MYO3B: variants seen among roughly 807,000 people sequenced by gnomAD.
MYO3B encodes the protein myosin IIIB, also known as myosin-IIIb.
MYO3B carries 156 observed loss-of-function variants against 174.6 expected under a neutral mutation model. That is an observed-to-expected ratio of 0.89 (90% CI 0.78 to 1.02). MYO3B has a LOEUF of 1.02. Ranked by LOEUF, MYO3B falls within the 50% of genes least tolerant of loss-of-function variation. The probability of loss-of-function intolerance (pLI) is 0.00; values close to 1 mark genes in which losing one functional copy is unlikely to be tolerated. For missense variants in MYO3B, 1,632 were observed against 1,639.4 expected (o/e 1.00, Z 0.08); for synonymous variants, 563 against 569.1 (o/e 0.99, Z 0.15).
rs1339999187 is a variant in MYO3B at position 170,407,638 on chromosome 2, T to C, written c.2521-77T>C. ...TTCTATATAGAGGTTGATTAACAAC[T>C]GGTTAGGCAAGTTGCCAGTGTCACC... is the stretch of plus-strand genomic sequence containing the variant. On this transcript the variant is annotated intron_variant, in intron 21 of 34. Coordinates refer to ENST00000408978, the MANE Select transcript of MYO3B (RefSeq NM_138995.5). 7.1e-6 allele frequency: 11 copies of C among 1,546,110 alleles called. No homozygotes were observed. In the East Asian group the frequency reaches 2.7e-4, roughly 37 times the overall value.
intron 9 of MYO3B, among the ~76,000 whole-genome samples, chr2:170,373,374 T>C (rs537461816): frequency 3.9e-5 from 6 of 152,334 alleles, no homozygotes; most frequent in African/African-American, 1.4e-4. Context: ...AAGAGAGTTC[T>C]TCAATGGTCT....
intron 25 of MYO3B, among the ~76,000 whole-genome samples, chr2:170,479,206 C>T (rs766991676): frequency 1.3e-5 from 2 of 150,514 alleles, no homozygotes; most frequent in Non-Finnish European, 3.0e-5. Context: ...ATTGCTTGAA[C>T]CCGGGAAGCG....
At chr2:170,424,590 A>C (rs940338544) in intron 22 of MYO3B, among the ~76,000 whole-genome samples, 7 of 152,070 alleles carry the variant, frequency 4.6e-5, no homozygotes, top group Non-Finnish European at 7.4e-5. Context: ...GCCTGGGCAA[A>C]AGAGGAAGAC....
At chr2:170,180,198 G>C (rs778225326) in intron 1 of MYO3B, 16 of 441,310 alleles carry the variant, frequency 3.6e-5, no homozygotes, top group East Asian at 1.4e-4. Context: ...CTGTACCTCC[G>C]TTAGGGACTA....
At chr2:170,198,867 G>T (rs2092629985) in intron 1 of MYO3B, among the ~76,000 whole-genome samples, 1 of 152,112 alleles carries the variant, frequency 6.6e-6, no homozygotes, top group Non-Finnish European at 1.5e-5. Flanking sequence ...ACTTTCCCTG[G>T]CAGCAGCCAC....
intron 22 of MYO3B, among the ~76,000 whole-genome samples, chr2:170,418,872 AATAT>A (rs2094597868): frequency 6.6e-6 from 1 of 152,200 alleles, no homozygotes; most frequent in Admixed American, 6.5e-5. Flanking sequence ...TAGCTAGCAA[AATAT>A]ATAACCTTTC....
intron 7 of MYO3B, among the ~76,000 whole-genome samples, chr2:170,305,287 C>T (rs1422257186): frequency 6.6e-6 from 1 of 152,078 alleles, no homozygotes; most frequent in African/African-American, 2.4e-5. Context: ...CATAGATATG[C>T]TTCTCTACTT....
intron 7 of MYO3B, among the ~76,000 whole-genome samples, chr2:170,326,050 C>T (rs1392957122): frequency 6.6e-6 from 1 of 152,010 alleles, no homozygotes; most frequent in African/African-American, 2.4e-5. Flanking sequence ...TTGATAAGCA[C>T]GGCATGTTTA....
intron 30 of MYO3B, among the ~76,000 whole-genome samples, chr2:170,533,526 T>G (rs1689489856): frequency 6.6e-6 from 1 of 152,016 alleles, no homozygotes; most frequent in Admixed American, 6.5e-5. Flanking sequence ...TACAAGTCTA[T>G]GCCTTGGCCT....
intron 32 of MYO3B, among the ~76,000 whole-genome samples, chr2:170,580,927 G>A (rs1413171569): frequency 6.6e-6 from 1 of 151,370 alleles, no homozygotes; most frequent in South Asian, 2.1e-4. Context: ...CTTTTTTATT[G>A]TCATTTTGGT....
intron 25 of MYO3B, among the ~76,000 whole-genome samples, chr2:170,498,024 T>C (rs1456111893): frequency 2.0e-5 from 3 of 151,584 alleles, no homozygotes; most frequent in African/African-American, 7.3e-5. Flanking sequence ...AATCTGAAAG[T>C]TTAGAAGTTC....
At chr2:170,579,387 A>G (rs1274201094) in intron 32 of MYO3B, among the ~76,000 whole-genome samples, 1 of 152,196 alleles carries the variant, frequency 6.6e-6, no homozygotes, top group East Asian at 1.9e-4. Context: ...CACCCACATA[A>G]TAGGTTTTAA....
intron 1 of MYO3B, among the ~76,000 whole-genome samples, chr2:170,185,370 A>C (rs2092449174): frequency 6.6e-6 from 1 of 152,106 alleles, no homozygotes; most frequent in Non-Finnish European, 1.5e-5. Context: ...ATGGATAACC[A>C]ATTTTCCCAG....
chr2:170,336,068 A>G lies in MYO3B; in HGVS notation c.815+618A>G, dbSNP rs972625693. 2.0e-5 allele frequency among the ~76,000 whole-genome samples: 3 copies of G among 152,106 alleles called. No homozygotes were observed. In the East Asian group the frequency reaches 5.8e-4, roughly 29 times the overall value. On this transcript the variant is annotated intron_variant, in intron 8 of 34. Coordinates refer to ENST00000408978, the MANE Select transcript of MYO3B (RefSeq NM_138995.5). ...AGGAGCAGAATCAACAGTGAAACCA[A>G]TAGTGGCTCAGTGCTGGGGTCATGG...
At chr2:170,387,365 T>C in intron 14 of MYO3B, 57 bp downstream of exon 14, 3 of 1,523,098 alleles carry the variant, frequency 2.0e-6, no homozygotes, top group South Asian at 1.2e-5. Flanking sequence ...TGGGAGACTT[T>C]GGAAATTTTA....
chr2:170,295,056 G>T (rs571132313), intron 7 of MYO3B, among the ~76,000 whole-genome samples: 1 of 151,790 alleles, frequency 6.6e-6, no homozygotes, highest in African/African-American at 2.4e-5. Flanking sequence ...ACTGATGAAT[G>T]GTTACCTTTG....
chr2:170,335,935 T>C (rs1390696641), intron 8 of MYO3B, among the ~76,000 whole-genome samples: 1 of 152,100 alleles, frequency 6.6e-6, no homozygotes. Context: ...CAAGGTAAGG[T>C]ATCCCAGCCA....
intron 32 of MYO3B, among the ~76,000 whole-genome samples, chr2:170,562,475 C>T (rs1691777519): frequency 6.6e-6 from 1 of 151,926 alleles, no homozygotes; most frequent in South Asian, 2.1e-4. Flanking sequence ...ACCCCAAAAG[C>T]CGACAAAACC....
At chr2:170,467,911 T>C (rs1205800555) in intron 25 of MYO3B, among the ~76,000 whole-genome samples, 1 of 152,064 alleles carries the variant, frequency 6.6e-6, no homozygotes, top group African/African-American at 2.4e-5. Context: ...AGCTCCTTTT[T>C]TCCTCTTAAA....
Sources: allele counts gnomAD v4.1 joint callset (sites outside exome capture counted in the v4.1 genomes callset), GRCh38; gene constraint gnomAD v4.1.1; transcripts MANE v1.5; gene names NCBI Gene and HGNC (gene_info 2026-07-23, HGNC 2026-07-21).